KIAA0586: variants seen among roughly 807,000 people sequenced by gnomAD.
KIAA0586 encodes the protein protein TALPID3.
Under a neutral mutation model 169.8 loss-of-function variants are expected in KIAA0586, and 144 were observed. That is an observed-to-expected ratio of 0.85 (90% CI 0.74 to 0.97). KIAA0586 has a LOEUF of 0.97. Ranked by LOEUF, KIAA0586 falls within the 50% of genes least tolerant of loss-of-function variation. The pLI is 0.00. For synonymous variants in KIAA0586, 625 were observed against 612.4 expected (o/e 1.02, Z -0.30); for missense variants, 1,854 against 1,823.0 (o/e 1.02, Z -0.31).
intron 29 of KIAA0586, among the ~76,000 whole-genome samples, chr14:58,531,085 A>G (rs2045930481): frequency 6.6e-6 from 1 of 151,938 alleles, no homozygotes; most frequent in East Asian, 1.9e-4. Context: ...TGGGAGGCCA[A>G]GGCAGGTGGA....
chr14:58,447,458 ATTTTATTTTATTTTATTTTG>A (rs1312818907), intron 6 of KIAA0586, among the ~76,000 whole-genome samples: 56 of 123,654 alleles, frequency 4.5e-4, no homozygotes, highest in African/African-American at 1.1e-3. Flanking sequence ...ATTTTATTTT[ATTTTATTTTATTTTATTTTG>A]TTTTATTTTA....
At chr14:58,452,626 T>C (rs934137107) in intron 8 of KIAA0586, among the ~76,000 whole-genome samples, 1 of 152,240 alleles carries the variant, frequency 6.6e-6, no homozygotes, top group Non-Finnish European at 1.5e-5. Flanking sequence ...ATGACACTTA[T>C]CAAATTCCTT....
chr14:58,506,792 T>C (rs1344233437), intron 27 of KIAA0586, among the ~76,000 whole-genome samples: 1 of 152,072 alleles, frequency 6.6e-6, no homozygotes, highest in Non-Finnish European at 1.5e-5. Context: ...ATTTGCTATA[T>C]CTAGGAAATT....
At chr14:58,553,182 C>G (rs1248879700), downstream of KIAA0586, among the ~76,000 whole-genome samples, 5 of 152,192 alleles carry the variant, frequency 3.3e-5, no homozygotes, top group Admixed American at 3.3e-4. Context: ...ATTACAACAA[C>G]AGCCTGAGTA....
intron 15 of KIAA0586, among the ~76,000 whole-genome samples, chr14:58,466,327 A>G: frequency 6.6e-6 from 1 of 152,240 alleles, no homozygotes; most frequent in East Asian, 1.9e-4. Context: ...AAGGCCTCAC[A>G]ATGTATTTTA....
rs749216641 is a variant in KIAA0586, at chr14:58,456,800, G to A, written c.1352G>A (p.Ser451Asn). 13 of 1,569,428 alleles carry A rather than the reference G, an allele frequency of 8.3e-6. No individual in the cohort carries two copies. The highest frequency in any genetic ancestry group is 1.0e-5 in the Non-Finnish European group (12 of 1,146,408). Residue 451 changes from serine to asparagine, a missense_variant, in exon 10 of 31, where the codon AGC becomes AAC. Physicochemically the swap from Ser to Asn is conservative, Grantham distance 46 (BLOSUM62 1). Coordinates refer to ENST00000652326, the MANE Select transcript of KIAA0586 (RefSeq NM_001329943.3). ...GGCCAAAAAGAGAAAGAAACAAATA[G>A]CATGGTCCAGGTAAAGTGGGAATGG... ...DLGQKEKETN[S>N]MVQPKESLSM...
chr14:58,459,138 A>G (rs2040118608), intron 12 of KIAA0586, among the ~76,000 whole-genome samples: 2 of 152,158 alleles, frequency 1.3e-5, no homozygotes, highest in African/African-American at 4.8e-5. Context: ...CTGGGGTGCA[A>G]GGTGTGTTTT....
At chr14:58,511,915 A>G (rs1035623846) in intron 28 of KIAA0586, among the ~76,000 whole-genome samples, 3 of 152,184 alleles carry the variant, frequency 2.0e-5, no homozygotes, top group African/African-American at 7.2e-5. Context: ...AAGAAAGAAA[A>G]TCACACAATT....
At chr14:58,483,414 GCAT>G (rs1471583357) in intron 21 of KIAA0586, among the ~76,000 whole-genome samples, 2 of 152,066 alleles carry the variant, frequency 1.3e-5, no homozygotes, top group African/African-American at 4.8e-5. Flanking sequence ...TACCTCAGAA[GCAT>G]CAGCAGTATC....
chr14:58,498,987 T>C (rs1252332227), intron 27 of KIAA0586, 27 bp downstream of exon 27: 2 of 1,555,106 alleles, frequency 1.3e-6, no homozygotes, highest in South Asian at 1.2e-5. Context: ...TTTTTCTTGA[T>C]GTGTCATAGT....
In KIAA0586 at chr14:58,498,852, A is replaced by G. The variant is rs1446993944; in HGVS notation, c.4060A>G (p.Ile1354Val). The part of the protein sequence containing the change: ...RPQLTAAAEN[I>V]LMGHSLYMQP... ...CCAGCTAACAGCGGCAGCAGAGAAC[A>G]TCTTAATGGGACATTCTCTCTATAT... The change falls in exon 27 of 31, where the codon ATC becomes GTC. Residue 1354 changes from isoleucine to valine, a missense_variant. Transcript: ENST00000652326. 2 of 1,612,540 alleles carry G rather than the reference A, an allele frequency of 1.2e-6. No homozygotes were observed. Among genetic ancestry groups the G allele is most frequent in the Admixed American group, 3.3e-5 (2 of 59,870 alleles).
intron 10 of KIAA0586, 53 bp from the exon 11 acceptor site, chr14:58,457,706 A>G (rs2039987259): frequency 3.4e-6 from 4 of 1,165,702 alleles, no homozygotes; most frequent in Non-Finnish European, 4.9e-6. Context: ...TGTTATTTTG[A>G]TTAAAGGAAT....
At position 58,492,239 on chromosome 14, in the gene KIAA0586, G is replaced by A. The variant is rs975182070; in HGVS notation, c.3954G>A (p.Glu1318=). ...AILSFAKQNQ[E]SAVSQQAVYH... ...TTTCTTTTGCTAAACAAAACCAGGA[G>A]TCAGCAGTTTCCCAGCAAGCAGTCT... is the stretch of plus-strand genomic sequence containing the variant. The change falls in exon 26 of 31, where the codon GAG becomes GAA. Residue 1318 remains glutamate (E), a synonymous_variant. Coordinates refer to ENST00000652326, the MANE Select transcript of KIAA0586 (RefSeq NM_001329943.3). 1 of 1,551,000 alleles carries A rather than the reference G, an allele frequency of 6.4e-7. No homozygotes were observed. Among genetic ancestry groups the A allele is most frequent in the African/African-American group, 1.4e-5 (1 of 73,164 alleles).
intron 30 of KIAA0586, among the ~76,000 whole-genome samples, chr14:58,545,337 C>T (rs1293522864): frequency 6.6e-6 from 1 of 152,174 alleles, no homozygotes; most frequent in African/African-American, 2.4e-5. Flanking sequence ...TCTAGGAGAT[C>T]CCTCCACCCT....
chr14:58,544,006 C>G (rs186020949), intron 30 of KIAA0586: 1 of 435,390 alleles, frequency 2.3e-6, no homozygotes, highest in East Asian at 7.1e-5. Flanking sequence ...TTTTCTGCTC[C>G]TCTTCTTCCT....
rs1262547188 is a variant in KIAA0586 at position 58,508,661 on chromosome 14, A to G, written c.4275A>G (p.Ala1425=). ...TTCTTCCCACAACACTTCTGACAGCACAAGAAAATGATGTTAATTTACCAG... is the reference window on the plus strand; with the variant it reads ...TTCTTCCCACAACACTTCTGACAGCGCAAGAAAATGATGTTAATTTACCAG... ...KLVLPTTLLT[A]QENDVNLPVA... is the part of the protein sequence containing the mutation. Residue 1425 remains alanine (A), a synonymous_variant, in exon 28 of 31, where the codon GCA becomes GCG. Coordinates refer to ENST00000652326, the MANE Select transcript of KIAA0586 (RefSeq NM_001329943.3). 1.3e-6 allele frequency: 2 copies of G among 1,594,446 alleles called. No individual in the cohort carries two copies. Among genetic ancestry groups the G allele is most frequent in the Admixed American group, 3.5e-5 (2 of 57,142 alleles).
chr14:58,503,461 G>A (rs1474138868), intron 27 of KIAA0586, among the ~76,000 whole-genome samples: 1 of 152,106 alleles, frequency 6.6e-6, no homozygotes, highest in Non-Finnish European at 1.5e-5. Flanking sequence ...ATTCCAGTTT[G>A]TTCATTTACT....
intron 2 of KIAA0586, among the ~76,000 whole-genome samples, chr14:58,430,287 A>G (rs1326855918): frequency 6.6e-6 from 1 of 151,990 alleles, no homozygotes; most frequent in African/African-American, 2.4e-5. Flanking sequence ...TGCCATCCTT[A>G]TCTACTCCAT....
rs2045254518 is a variant in KIAA0586 at position 58,521,880 on chromosome 14, G to T, written c.4429+9253G>T. On this transcript the variant is annotated intron_variant, in intron 29 of 30. Coordinates refer to ENST00000652326, the MANE Select transcript of KIAA0586 (RefSeq NM_001329943.3). Reference sequence around the variant, plus strand: ...TGCTGAGGAGGACCTACTAGATGATGATGACAATGAAGATGGGGGATGACC... The same window carrying T: ...TGCTGAGGAGGACCTACTAGATGATTATGACAATGAAGATGGGGGATGACC... 1.8e-5 allele frequency: 22 copies of T among 1,213,706 alleles called. No homozygotes were observed. The South Asian group carries it at 2.1e-4, about 11-fold the overall frequency. 75.2% of individuals were successfully genotyped at this position (1,213,706 alleles called of 1,614,324 possible).
Sources: allele counts gnomAD v4.1 joint callset (sites outside exome capture counted in the v4.1 genomes callset), GRCh38; gene constraint gnomAD v4.1.1; transcripts MANE v1.5; gene names NCBI Gene and HGNC (gene_info 2026-07-23, HGNC 2026-07-21).